MICU3: variants seen among roughly 807,000 people sequenced by gnomAD.
MICU3 encodes the protein calcium uptake protein 3, mitochondrial.
In MICU3, 62 loss-of-function variants were observed where a neutral mutation model predicts 66.5. The observed-to-expected ratio is 0.93, with a 90% CI of 0.76 to 1.15. The LOEUF (loss-of-function observed/expected upper bound fraction) is 1.15. Ranked by LOEUF, MICU3 falls within the 50% of genes most tolerant of loss-of-function variation. The pLI, the probability that MICU3 is intolerant of heterozygous loss-of-function variation, is 0.00. For synonymous variants in MICU3, 308 were observed against 240.7 expected, an observed-to-expected ratio of 1.28 and a Z score of -2.59; for missense variants, 779 against 664.4, an observed-to-expected ratio of 1.17 and a Z score of -1.90.
chr8:17,066,028 T>C (rs1818625668), intron 2 of MICU3, among the ~76,000 whole-genome samples: 1 of 151,776 alleles, frequency 6.6e-6, no homozygotes, highest in African/African-American at 2.4e-5. Flanking sequence ...TGGGAATATG[T>C]AGGGCCATAT....
At chr8:17,129,071 G>C in the MICU3 span, among the ~76,000 whole-genome samples, 5 of 152,102 alleles carry the variant, frequency 3.3e-5, no homozygotes, top group Non-Finnish European at 5.9e-5. Context: ...CACAGGTTAG[G>C]GGTAAGGCTA....
chr8:17,045,258 C>G (rs1042648411), intron 1 of MICU3, among the ~76,000 whole-genome samples: 2 of 152,114 alleles, frequency 1.3e-5, no homozygotes, highest in African/African-American at 4.8e-5. Flanking sequence ...TAAACAGACT[C>G]TCTCTCTCTT....
rs576050670 is a variant in MICU3, at chr8:17,113,690, G to A, written c.1258-403G>A. 5.0e-4 allele frequency among the ~76,000 whole-genome samples: 76 copies of A among 152,242 alleles called. 2 individuals carry two copies. The highest frequency in any genetic ancestry group is 1.8e-3 in the African/African-American group (76 of 41,526). ...TGAATTCCATTTGAGGAATACATGT[G>A]CAGGGGAAACTTTTTTATGGCTTTT... On this transcript the variant is annotated intron_variant, in intron 11 of 14. Transcript: ENST00000318063.
intron 3 of MICU3, among the ~76,000 whole-genome samples, chr8:17,076,813 A>G (rs956262516): frequency 6.6e-6 from 1 of 152,220 alleles, no homozygotes; most frequent in Non-Finnish European, 1.5e-5. Context: ...TGCATTTCGC[A>G]CAAGCTCTCA....
chr8:17,138,223 C>G, the MICU3 span, among the ~76,000 whole-genome samples: 4 of 151,976 alleles, frequency 2.6e-5, no homozygotes, highest in African/African-American at 7.2e-5. Context: ...GACTCAACAA[C>G]CAAATTCCAA....
chr8:17,069,609 G>T, intron 2 of MICU3, 79 bp from the exon 3 acceptor site: 2 of 882,062 alleles, frequency 2.3e-6, no homozygotes, highest in South Asian at 1.9e-5. Flanking sequence ...ATGAGTTATG[G>T]TTGTAGATGG....
At chr8:17,124,257 T>C (rs1000419763), downstream of MICU3, among the ~76,000 whole-genome samples, 12 of 152,144 alleles carry the variant, frequency 7.9e-5, no homozygotes, top group African/African-American at 2.7e-4. Context: ...TTATATTTGC[T>C]TCCTTATACA....
rs13253571 is a variant in MICU3 at position 17,120,891 on chromosome 8, A to G, written c.*604A>G. On this transcript the variant is annotated 3_prime_UTR_variant, in exon 15 of 15. Transcript: ENST00000318063. The stretch of plus-strand genomic sequence containing the variant: ...TAACTTTTAAAAGTACTTAATTAAC[A>G]TATGTTGTTTGACTTGTATAAAGTT... 25,187 of 152,240 alleles carry G rather than the reference A, an allele frequency of 0.17. 2,407 individuals are homozygous for G. Among genetic ancestry groups the G allele is most frequent in the Admixed American group, 0.25 (3,880 of 15,258 alleles). 9.4% of individuals were successfully genotyped at this position (152,240 alleles called of 1,614,324 possible).
intron 4 of MICU3, among the ~76,000 whole-genome samples, chr8:17,078,478 C>T (rs1041069586): frequency 6.6e-6 from 1 of 151,826 alleles, no homozygotes; most frequent in Non-Finnish European, 1.5e-5. Flanking sequence ...TTACAGGGTA[C>T]CTTTTTACAC....
intron 13 of MICU3, among the ~76,000 whole-genome samples, chr8:17,118,301 C>T (rs1207036003): frequency 6.6e-6 from 1 of 151,810 alleles, no homozygotes; most frequent in African/African-American, 2.4e-5. Flanking sequence ...CAGATAATAG[C>T]ATACAAATAT....
chr8:17,107,797 A>G (rs1195266553), intron 11 of MICU3, among the ~76,000 whole-genome samples: 1 of 152,216 alleles, frequency 6.6e-6, no homozygotes, highest in African/African-American at 2.4e-5. Flanking sequence ...TTCAGCAAAT[A>G]TTCAACAAGT....
Position 17,075,576 on chromosome 8 carries a change from A to G in MICU3, c.568-2207A>G, listed in dbSNP as rs531926328. On this transcript the variant is annotated intron_variant, in intron 3 of 14. Transcript: ENST00000318063. ...AGAGAGATTCCTGACATGGGTGGAA[A>G]TATAAAAAATTTAATAAATTTTAGA... 1.4e-3 allele frequency among the ~76,000 whole-genome samples: 215 copies of G among 152,306 alleles called. 2 individuals are homozygous for G. Among genetic ancestry groups the G allele is most frequent in the African/African-American group, 5.0e-3 (206 of 41,566 alleles).
intron 2 of MICU3, among the ~76,000 whole-genome samples, chr8:17,066,799 A>C (rs1049958796): frequency 6.6e-6 from 1 of 151,984 alleles, no homozygotes; most frequent in Non-Finnish European, 1.5e-5. Flanking sequence ...CACCTGCCTC[A>C]GCCTCCCAAA....
intron 8 of MICU3, 144 bp from the exon 9 acceptor site, chr8:17,098,314 G>A: frequency 1.4e-6 from 1 of 705,548 alleles, no homozygotes. Context: ...ATACTGTGGT[G>A]CACAGCAGAA....
chr8:17,137,598 TG>T, the MICU3 span, among the ~76,000 whole-genome samples: 6 of 151,364 alleles, frequency 4.0e-5, no homozygotes, highest in Non-Finnish European at 7.4e-5. Context: ...CATCTTTTCT[TG>T]GGATATGGAA....
At chr8:17,097,542 A>C (rs1281721809) in intron 8 of MICU3, among the ~76,000 whole-genome samples, 6 of 151,718 alleles carry the variant, frequency 4.0e-5, no homozygotes, top group Non-Finnish European at 5.9e-5. Flanking sequence ...TCCTAGATGC[A>C]TATAATTTTA....
intron 8 of MICU3, among the ~76,000 whole-genome samples, 166 bp from the exon 9 acceptor site, chr8:17,098,292 C>T (rs539439083): frequency 2.0e-5 from 3 of 151,790 alleles, no homozygotes; most frequent in East Asian, 3.9e-4. Flanking sequence ...GAGTTACCAG[C>T]AGTGTAATAC....
rs1358338661 is a variant in MICU3, at chr8:17,083,443, G to T, written c.694+1703G>T. Among the ~76,000 whole-genome samples, 3 of 152,046 alleles carry T rather than the reference G, an allele frequency of 2.0e-5. No individual in the cohort carries two copies. In the East Asian group the frequency reaches 5.8e-4, roughly 29 times the overall value. ...AATCTAGTCCCCAGGCAAGAAGGAG[G>T]TTTGTTACGGGAAAGAGCGCTTATC... On this transcript the variant is annotated intron_variant, in intron 5 of 14. Transcript: ENST00000318063.
At chr8:17,060,872 TA>T (rs922932969) in intron 1 of MICU3, among the ~76,000 whole-genome samples, 24 of 151,928 alleles carry the variant, frequency 1.6e-4, no homozygotes, top group Middle Eastern at 6.8e-3. Flanking sequence ...AAAGTGGTGC[TA>T]AATAGAAATG....
Sources: allele counts gnomAD v4.1 joint callset (sites outside exome capture counted in the v4.1 genomes callset), GRCh38; gene constraint gnomAD v4.1.1; transcripts MANE v1.5; gene names NCBI Gene and HGNC (gene_info 2026-07-23, HGNC 2026-07-21).